The following MFN2 variants were observed in gnomAD, a reference collection of about 807,000 sequenced individuals.
The protein encoded by MFN2 is mitofusin-2.
A neutral mutation model predicts 87.5 loss-of-function variants in MFN2; 43 were observed. That is an observed-to-expected ratio of 0.49 (90% CI 0.38 to 0.63). The LOEUF is 0.63. Among genes scored for constraint, MFN2 ranks in the 30% least tolerant of loss-of-function variants. The pLI is 0.00. For synonymous variants in MFN2, 337 were observed against 359.9 expected, an observed-to-expected ratio of 0.94 and a Z score of 0.72; for missense variants, 743 against 972.8, an observed-to-expected ratio of 0.76 and a Z score of 3.14.
At chr1:11,997,260 C>T (rs1557522771) in intron 5 of MFN2, 37 bp from the exon 6 acceptor site, 11 of 1,613,272 alleles carry the variant, frequency 6.8e-6, no homozygotes, top group Non-Finnish European at 8.5e-6. Context: ...CCTGGTGGTT[C>T]CTCCTCAGCC....
At chr1:11,991,313 G>A (rs979475563) in intron 3 of MFN2, among the ~76,000 whole-genome samples, 1 of 152,188 alleles carries the variant, frequency 6.6e-6, no homozygotes, top group Non-Finnish European at 1.5e-5. Context: ...TGAGGTGAGA[G>A]CTGAGATGGG....
Position 12,011,734 on chromosome 1 carries a change from C to G in MFN2, c.*169C>G. ...CCCTCCAGCACTACTTATTTTCCCC[C>G]ACCTTTGCCTGCTGTTGCTGGAAGA... On this transcript the variant is annotated 3_prime_UTR_variant, in exon 19 of 19. Transcript: ENST00000235329. 1.5e-6 allele frequency: 1 copy of G among 687,286 alleles called. No individual in the cohort carries two copies. The highest frequency in any genetic ancestry group is 2.5e-6 in the Non-Finnish European group (1 of 399,212). 42.6% of individuals were successfully genotyped at this position (687,286 alleles called of 1,614,324 possible).
intron 17 of MFN2, among the ~76,000 whole-genome samples, chr1:12,007,750 T>C (rs1020998962): frequency 2.0e-5 from 3 of 152,206 alleles, no homozygotes; most frequent in African/African-American, 4.8e-5. Context: ...TGTTGTCTTA[T>C]AGCCATCTCC....
At chr1:11,991,835 A>AAT (rs1638690934) in intron 3 of MFN2, among the ~76,000 whole-genome samples, 1 of 141,250 alleles carries the variant, frequency 7.1e-6, no homozygotes, top group Non-Finnish European at 1.5e-5. Flanking sequence ...GAGGCAGGAG[A>AAT]ATGGCGTGAA....
chr1:12,007,904 G>A (rs1333651786), intron 17 of MFN2, among the ~76,000 whole-genome samples: 2 of 151,994 alleles, frequency 1.3e-5, no homozygotes, highest in South Asian at 4.1e-4. Context: ...GGGGCCTTCC[G>A]CAGTGTTTGT....
In MFN2 at chr1:11,989,205, A is replaced by G. The variant is rs1569802385; in HGVS notation, c.37A>G (p.Thr13Ala). The G allele has an allele frequency of 6.2e-7, 1 of 1,614,096 alleles. No individual in the cohort carries two copies. Among genetic ancestry groups the G allele is most frequent in the East Asian group, 2.2e-5 (1 of 44,882 alleles). The change falls in exon 3 of 19, where the codon ACA becomes GCA. Residue 13 changes from threonine (T) to alanine (A), a missense_variant. Around this residue, in one of 3 missense-constraint regions of MFN2, gnomAD observed 31 missense variants for 23.2 expected, o/e 1.33. Coordinates refer to ENST00000235329, the MANE Select transcript of MFN2 (RefSeq NM_014874.4). ...CTTCTCTCGATGCAACTCTATCGTCACAGTCAAGAAAAATAAGAGACACAT... is the reference window on the plus strand; with the variant it reads ...CTTCTCTCGATGCAACTCTATCGTCGCAGTCAAGAAAAATAAGAGACACAT... ...LLFSRCNSIV[T>A]VKKNKRHMAE...
intron 6 of MFN2, among the ~76,000 whole-genome samples, chr1:11,998,316 G>A (rs1639019379): frequency 6.6e-6 from 1 of 152,010 alleles, no homozygotes; most frequent in Non-Finnish European, 1.5e-5. Flanking sequence ...GGGAAGCTGA[G>A]GCGGGCAGAT....
intron 16 of MFN2, 120 bp from the exon 17 acceptor site, chr1:12,006,933 C>A: frequency 1.5e-6 from 2 of 1,371,974 alleles, no homozygotes; most frequent in Non-Finnish European, 2.1e-6. Flanking sequence ...AAGAGGAACT[C>A]AGAGTAGAAA....
chr1:11,980,515 G>C (rs192067191), intron 1 of MFN2, 31 bp downstream of exon 1: 1 of 398,256 alleles, frequency 2.5e-6, no homozygotes, highest in African/African-American at 2.1e-5. Flanking sequence ...GGGTGGCGGG[G>C]ACTGGCCCGG....
chr1:12,006,735 A>C, intron 16 of MFN2, 42 bp downstream of exon 16: 6 of 911,410 alleles, frequency 6.6e-6, no homozygotes, highest in Non-Finnish European at 1.0e-5. Context: ...GGCGGAGGGC[A>C]GGTGGGCGGG....
Position 12,006,422 on chromosome 1 carries a change from TGGAA to T in MFN2, c.1717-115_1717-112del. 2.1e-5 allele frequency: 30 copies of T among 1,400,530 alleles called. No homozygotes were observed. In the Admixed American group the frequency reaches 3.3e-4, roughly 16 times the overall value. The allele number at this position is 1,400,530 out of a possible 1,614,324, so 86.8% of individuals were successfully genotyped here. A position where few individuals can be genotyped will look rare whatever the true frequency, so the allele number is the denominator to read the frequency against. ...AGCTAGTTGTCCCCTTTTTGCCTTT[TGGAA>T]ATTGAAGAGCCACTCTGTGTCCCTG... On this transcript the variant is annotated intron_variant, in intron 15 of 18. Transcript: ENST00000235329.
In MFN2 at chr1:12,007,226, C is replaced by T. The variant is rs774617671; in HGVS notation, c.2046C>T (p.Ser682=). 1.9e-6 allele frequency: 3 copies of T among 1,614,050 alleles called. No homozygotes were observed. The Admixed American group carries it at 5.0e-5, about 27-fold the overall frequency. The change falls in exon 17 of 19, where the codon TCC becomes TCT. Residue 682 remains serine, a synonymous_variant. Coordinates refer to ENST00000235329, the MANE Select transcript of MFN2 (RefSeq NM_014874.4). The part of the protein sequence containing the change: ...KLQLVISYTG[S]NCSHQVQQEL... The stretch of plus-strand genomic sequence containing the variant: ...AGCTTGTCATCAGCTACACTGGCTC[C>T]AACTGCAGCCACCAAGTCCAGCAGT...
Position 11,996,137 on chromosome 1 carries a change from A to G in MFN2, c.312-19A>G, listed in dbSNP as rs756393202. ...GTCAGATACTGGTGGCTTTGCTGACAGCTGTTACTTCCTTCTAGGACGAGC... is the reference window on the plus strand; with the variant it reads ...GTCAGATACTGGTGGCTTTGCTGACGGCTGTTACTTCCTTCTAGGACGAGC... On this transcript the variant is annotated intron_variant, in intron 4 of 18. Transcript: ENST00000235329. 1.2e-5 allele frequency: 19 copies of G among 1,614,026 alleles called. No individual in the cohort carries two copies. The highest frequency in any genetic ancestry group is 1.6e-5 in the Non-Finnish European group (19 of 1,180,030).
Position 12,009,584 on chromosome 1 carries a change from C to CG in MFN2, c.2070-8_2070-7insG. ...ACCCCAACTGGGTCCCTTCTCTCTC[C>CG]TCCCCAGGGAACTGTCTGGGACCTT... On this transcript the variant is annotated splice_region_variant and splice_polypyrimidine_tract_variant and intron_variant, in intron 17 of 18. Transcript: ENST00000235329. 3 of 1,614,248 alleles carry CG rather than the reference C, an allele frequency of 1.9e-6. No individual in the cohort carries two copies. Among genetic ancestry groups the CG allele is most frequent in the Non-Finnish European group, 2.5e-6 (3 of 1,180,030 alleles).
intron 5 of MFN2, 22 bp downstream of exon 5, chr1:11,996,340 T>G (rs572807497): frequency 1.2e-5 from 19 of 1,613,770 alleles, no homozygotes; most frequent in Non-Finnish European, 1.6e-5. Flanking sequence ...AGGCTGGCTG[T>G]CAGCCCTGTG....
chr1:11,989,217 A>G lies in MFN2; in HGVS notation c.49A>G (p.Asn17Asp), dbSNP rs772477199. ...CAACTCTATCGTCACAGTCAAGAAA[A>G]ATAAGAGACACATGGCTGAGGTGAA... ...RCNSIVTVKK[N>D]KRHMAEVNAS... The change falls in exon 3 of 19, where the codon AAT becomes GAT. Residue 17 changes from asparagine (N) to aspartate (D), a missense_variant. Coordinates refer to ENST00000235329, the MANE Select transcript of MFN2 (RefSeq NM_014874.4). The G allele has an allele frequency of 4.3e-6, 7 of 1,613,976 alleles. No individual in the cohort carries two copies. The East Asian group carries it at 1.6e-4, about 36-fold the overall frequency.
intron 4 of MFN2, among the ~76,000 whole-genome samples, chr1:11,993,469 C>T (rs1638779929): frequency 6.6e-6 from 1 of 152,152 alleles, no homozygotes; most frequent in African/African-American, 2.4e-5. Context: ...GGCATGGTGG[C>T]TCACACCTGT....
Position 11,996,162 on chromosome 1 carries a change from C to T in MFN2, c.318C>T (p.Ser106=), listed in dbSNP as rs778937659. 1 of 1,614,140 alleles carries T rather than the reference C, an allele frequency of 6.2e-7. No homozygotes were observed. The part of the protein sequence containing the change: ...HMKVAFFGRT[S]NGKSTVINAM... ...AGCTGTTACTTCCTTCTAGGACGAGCAATGGGAAGAGCACCGTGATCAATG... is the reference window on the plus strand; with the variant it reads ...AGCTGTTACTTCCTTCTAGGACGAGTAATGGGAAGAGCACCGTGATCAATG... The change falls in exon 5 of 19, where the codon AGC becomes AGT. Residue 106 remains serine, a synonymous_variant. Coordinates refer to ENST00000235329, the MANE Select transcript of MFN2 (RefSeq NM_014874.4).
chr1:11,987,482 T>G (rs1638467982), intron 2 of MFN2, among the ~76,000 whole-genome samples: 1 of 150,608 alleles, frequency 6.6e-6, no homozygotes, highest in Admixed American at 6.6e-5. Flanking sequence ...ATACAAAAAT[T>G]AGCCGGGCAT....
Sources: allele counts gnomAD v4.1 joint callset (sites outside exome capture counted in the v4.1 genomes callset), GRCh38; gene constraint gnomAD v4.1.1; regional missense constraint gnomAD v4.1.1; transcripts MANE v1.5; gene names NCBI Gene and HGNC (gene_info 2026-07-23, HGNC 2026-07-21).